Variants in RALGAPA1 observed in about 807,000 individuals in gnomAD.
RALGAPA1 encodes Ral GTPase activating protein catalytic subunit alpha 1.
In RALGAPA1, 52 loss-of-function variants were observed where a neutral mutation model predicts 269.6. That is an observed-to-expected ratio of 0.19 (90% CI 0.15 to 0.24). RALGAPA1 has a LOEUF of 0.24. RALGAPA1 is among the 10% of genes least tolerant of loss of function. The pLI is 1.00. For synonymous variants in RALGAPA1, 817 were observed against 1,008.3 expected, an observed-to-expected ratio of 0.81 and a Z score of 3.60; for missense variants, 1,917 against 3,013.9, an observed-to-expected ratio of 0.64 and a Z score of 8.52.
chr14:35,779,411 C>T (rs1012162753), intron 1 of RALGAPA1, among the ~76,000 whole-genome samples: 17 of 151,940 alleles, frequency 1.1e-4, no homozygotes, highest in African/African-American at 4.1e-4. Context: ...CTAGTCCCAG[C>T]AACTCTGGAG....
chr14:35,785,969 C>G (rs116601168), intron 1 of RALGAPA1, among the ~76,000 whole-genome samples: 407 of 151,774 alleles, frequency 2.7e-3, no homozygotes, highest in African/African-American at 8.8e-3. Flanking sequence ...TGTGCTTGCT[C>G]AAGAGTTCGA....
chr14:35,599,432 G>T (rs1477371781), intron 36 of RALGAPA1, among the ~76,000 whole-genome samples: 3 of 152,134 alleles, frequency 2.0e-5, no homozygotes, highest in African/African-American at 7.2e-5. Flanking sequence ...ATTCCTGAAG[G>T]ATATGTTTGC....
chr14:35,740,326 A>G (rs192016938), intron 11 of RALGAPA1, among the ~76,000 whole-genome samples: 99 of 152,340 alleles, frequency 6.5e-4, no homozygotes, highest in Admixed American at 2.5e-3. Context: ...AAAGCTTTGT[A>G]TGGTATTTTG....
chr14:35,596,216 A>G (rs957859217), intron 36 of RALGAPA1, among the ~76,000 whole-genome samples: 2 of 152,122 alleles, frequency 1.3e-5, no homozygotes, highest in East Asian at 3.8e-4. Flanking sequence ...ATTTGTTAGT[A>G]CTTATTACAG....
chr14:35,560,266 TA>T (rs1411948646), intron 39 of RALGAPA1, among the ~76,000 whole-genome samples: 2 of 152,190 alleles, frequency 1.3e-5, no homozygotes, highest in Non-Finnish European at 2.9e-5. Flanking sequence ...TTGACTGTAT[TA>T]TCTGGTTTTG....
intron 39 of RALGAPA1, among the ~76,000 whole-genome samples, chr14:35,557,950 C>G (rs907720605): frequency 1.3e-5 from 2 of 152,048 alleles, no homozygotes; most frequent in Admixed American, 1.3e-4. Flanking sequence ...GTCAGAATCC[C>G]TGGAGTCTGA....
At chr14:35,576,134 G>A (rs2057544475) in intron 37 of RALGAPA1, among the ~76,000 whole-genome samples, 2 of 152,066 alleles carry the variant, frequency 1.3e-5, no homozygotes, top group Admixed American at 6.6e-5. Context: ...TTGGGTTATT[G>A]TCTCAGTTTA....
intron 31 of RALGAPA1, among the ~76,000 whole-genome samples, chr14:35,644,607 A>G (rs1244798802): frequency 1.3e-5 from 2 of 152,274 alleles, no homozygotes; most frequent in African/African-American, 4.8e-5. Flanking sequence ...TTAAAAAAAT[A>G]GAACAGCACA....
intron 35 of RALGAPA1, among the ~76,000 whole-genome samples, chr14:35,624,987 G>C (rs577920621): frequency 5.3e-5 from 8 of 151,704 alleles, no homozygotes; most frequent in Non-Finnish European, 1.2e-4. Context: ...TCAGGAGATC[G>C]AAACCATTCT....
At chr14:35,724,547 TA>T (rs2069715842) in intron 14 of RALGAPA1, among the ~76,000 whole-genome samples, 1 of 152,140 alleles carries the variant, frequency 6.6e-6, no homozygotes, top group African/African-American at 2.4e-5. Context: ...GAAGGGAGGA[TA>T]ATAAAGTCTT....
intron 3 of RALGAPA1, among the ~76,000 whole-genome samples, chr14:35,773,935 T>A (rs1481346050): frequency 1.3e-5 from 2 of 152,080 alleles, no homozygotes; most frequent in African/African-American, 4.8e-5. Context: ...TTATTATTTT[T>A]GAGACAGGGT....
At chr14:35,656,054 A>C in intron 28 of RALGAPA1, 139 bp from the exon 29 acceptor site, 1 of 1,446,348 alleles carries the variant, frequency 6.9e-7, no homozygotes, top group Non-Finnish European at 9.2e-7. Context: ...TTAACTGGTA[A>C]CCAAAGAAGA....
chr14:35,683,714 A>T (rs1595129102), intron 21 of RALGAPA1, 95 bp downstream of exon 21: 2 of 893,516 alleles, frequency 2.2e-6, no homozygotes, highest in Non-Finnish European at 3.3e-6. Flanking sequence ...CTTAAATAGT[A>T]ATAAGTAATA....
At chr14:35,712,243 A>C (rs1185273143) in intron 16 of RALGAPA1, among the ~76,000 whole-genome samples, 5 of 150,068 alleles carry the variant, frequency 3.3e-5, no homozygotes, top group Admixed American at 6.6e-5. Context: ...CATGTCTCAA[A>C]AAAAAAAAAA....
chr14:35,654,765 C>A (rs1333700037), intron 29 of RALGAPA1, among the ~76,000 whole-genome samples: 1 of 152,122 alleles, frequency 6.6e-6, no homozygotes, highest in Non-Finnish European at 1.5e-5. Context: ...TTCTTTTTAT[C>A]AATCTTTGCC....
chr14:35,609,912 G>A (rs1337818992), intron 35 of RALGAPA1, among the ~76,000 whole-genome samples: 3 of 148,132 alleles, frequency 2.0e-5, no homozygotes, highest in Admixed American at 6.7e-5. Flanking sequence ...TGGGTGACAC[G>A]GTGAGACCCT....
chr14:35,539,928 A>C (rs1158433284), intron 41 of RALGAPA1, among the ~76,000 whole-genome samples: 1 of 152,162 alleles, frequency 6.6e-6, no homozygotes, highest in Non-Finnish European at 1.5e-5. Context: ...CCAGGGCTAG[A>C]ACCCTGGAAA....
At position 35,808,573 on chromosome 14, in the gene RALGAPA1, C is replaced by T. The variant is rs952699599; in HGVS notation, c.106+157G>A. On this transcript the variant is annotated intron_variant, in intron 1 of 41. Coordinates refer to ENST00000680220, the MANE Select transcript of RALGAPA1 (RefSeq NM_001346249.2). ...TCAGTGCTGCCAACTGCCAAGTTTT[C>T]GCTTCTCCGAATTATTCACCCTCCC... Among the ~76,000 whole-genome samples the T allele has an allele frequency of 4.6e-5, 7 of 152,194 alleles. No individual in the cohort carries two copies. The East Asian group carries it at 1.3e-3, about 29-fold the overall frequency.
At chr14:35,714,485 C>A (rs184950126) in intron 16 of RALGAPA1, among the ~76,000 whole-genome samples, 1 of 152,032 alleles carries the variant, frequency 6.6e-6, no homozygotes, top group East Asian at 1.9e-4. Context: ...TGTCTTTTTA[C>A]CTTATATTTT....
Sources: gnomAD v4.1 joint callset for allele counts (sites outside exome capture counted in the v4.1 genomes callset) on GRCh38, gnomAD v4.1.1 for gene constraint, MANE v1.5 for transcripts, NCBI Gene and HGNC (gene_info 2026-07-23, HGNC 2026-07-21) for gene names.